Variants in TMEM117 observed in about 807,000 individuals in gnomAD.
The protein encoded by TMEM117 is transmembrane protein 117.
A neutral mutation model predicts 52.4 loss-of-function variants in TMEM117; 27 were observed. That is an observed-to-expected ratio of 0.51 (90% CI 0.38 to 0.71). The LOEUF is 0.71. Among genes scored for constraint, TMEM117 ranks in the 30% least tolerant of loss-of-function variants. The pLI, the probability that TMEM117 is intolerant of heterozygous loss-of-function variation, is 0.00. For missense variants in TMEM117, 556 were observed against 630.5 expected (o/e 0.88, Z 1.26); for synonymous variants, 215 against 206.3 (o/e 1.04, Z -0.36).
intron 6 of TMEM117, among the ~76,000 whole-genome samples, chr12:44,312,804 C>T (rs1388536638): frequency 6.6e-6 from 1 of 152,148 alleles, no homozygotes; most frequent in Admixed American, 6.5e-5. Flanking sequence ...GCCATTCTGA[C>T]AGATGTGAGA....
At chr12:44,282,218 C>A (rs149795513) in intron 5 of TMEM117, among the ~76,000 whole-genome samples, 9 of 152,120 alleles carry the variant, frequency 5.9e-5, no homozygotes, top group Admixed American at 2.6e-4. Flanking sequence ...TTTTCTTCCC[C>A]GTCTCAGGTA....
At chr12:44,027,194 A>G (rs1245319568) in intron 3 of TMEM117, among the ~76,000 whole-genome samples, 1 of 106,682 alleles carries the variant, frequency 9.4e-6, no homozygotes, top group South Asian at 3.0e-4. Context: ...ATTTTATTTT[A>G]TTTTAATTAG....
At chr12:44,172,229 A>G (rs1010342811) in intron 4 of TMEM117, among the ~76,000 whole-genome samples, 2 of 152,250 alleles carry the variant, frequency 1.3e-5, no homozygotes, top group African/African-American at 4.8e-5. Flanking sequence ...GTACCATTAA[A>G]TAAGAGGCTT....
chr12:43,989,277 T>G (rs1219563248), intron 3 of TMEM117, among the ~76,000 whole-genome samples: 2 of 152,120 alleles, frequency 1.3e-5, no homozygotes, highest in African/African-American at 4.8e-5. Flanking sequence ...GGGCGTATGT[T>G]TATATTATTC....
At chr12:43,884,222 GA>G (rs768610047) in intron 2 of TMEM117, among the ~76,000 whole-genome samples, 1 of 151,816 alleles carries the variant, frequency 6.6e-6, no homozygotes, top group African/African-American at 2.4e-5. Flanking sequence ...GCAGAGAGCT[GA>G]AATGACTATT....
At chr12:43,865,685 A>G (rs1943581298) in intron 2 of TMEM117, among the ~76,000 whole-genome samples, 1 of 151,594 alleles carries the variant, frequency 6.6e-6, no homozygotes, top group Non-Finnish European at 1.5e-5. Flanking sequence ...TGACAGAACG[A>G]GACTCCGTCC....
chr12:43,829,828 G>A, the TMEM117 span, among the ~76,000 whole-genome samples: 6 of 152,142 alleles, frequency 3.9e-5, no homozygotes, highest in Non-Finnish European at 7.4e-5. Flanking sequence ...AGTGGCTCAC[G>A]CCTGTAATCC....
chr12:44,116,857 G>C (rs1948152756), intron 3 of TMEM117, among the ~76,000 whole-genome samples: 1 of 152,140 alleles, frequency 6.6e-6, no homozygotes, highest in East Asian at 1.9e-4. Flanking sequence ...ACTGCTGCTA[G>C]TTCCTTAGTT....
chr12:44,314,596 T>G (rs2138681299), intron 6 of TMEM117, among the ~76,000 whole-genome samples: 1 of 148,940 alleles, frequency 6.7e-6, no homozygotes, highest in East Asian at 2.0e-4. Context: ...AGACAAAGTC[T>G]CACTCTGTCG....
chr12:44,157,144 G>A (rs575689962), intron 4 of TMEM117, among the ~76,000 whole-genome samples: 7 of 152,260 alleles, frequency 4.6e-5, no homozygotes, highest in African/African-American at 1.4e-4. Flanking sequence ...TTGCAATAAA[G>A]TGTCATCTAC....
intron 2 of TMEM117, among the ~76,000 whole-genome samples, chr12:43,871,368 T>A (rs547053950): frequency 2.3e-4 from 35 of 152,212 alleles, no homozygotes; most frequent in Non-Finnish European, 4.1e-4. Context: ...CCTCCCAAAG[T>A]ACTAGGATTG....
At chr12:44,339,077 C>A (rs774331813) in intron 6 of TMEM117, among the ~76,000 whole-genome samples, 13 of 152,088 alleles carry the variant, frequency 8.5e-5, no homozygotes, top group Non-Finnish European at 1.6e-4. Context: ...ACCCTACCCA[C>A]TGCTTCTCAA....
intron 5 of TMEM117, among the ~76,000 whole-genome samples, chr12:44,276,008 G>T (rs776815719): frequency 6.6e-6 from 1 of 152,134 alleles, no homozygotes; most frequent in Admixed American, 6.5e-5. Flanking sequence ...CAATTTTTAT[G>T]ATGTGATTAT....
At chr12:44,013,257 T>C (rs1946324210) in intron 3 of TMEM117, among the ~76,000 whole-genome samples, 1 of 152,136 alleles carries the variant, frequency 6.6e-6, no homozygotes, top group Non-Finnish European at 1.5e-5. Flanking sequence ...CTCGAACTCC[T>C]GAGGTCAAGT....
At chr12:44,303,538 G>A (rs1446152019) in intron 6 of TMEM117, among the ~76,000 whole-genome samples, 6 of 151,832 alleles carry the variant, frequency 4.0e-5, no homozygotes, top group African/African-American at 1.2e-4. Flanking sequence ...TTTTTCTGTG[G>A]TTTTAGTAAA....
At chr12:43,806,198 C>T in the TMEM117 span, 124 of 1,539,404 alleles carry the variant, frequency 8.1e-5, no homozygotes, top group African/African-American at 1.5e-3. Flanking sequence ...CCCTTCCCTG[C>T]GAGTCGCGCC....
intron 6 of TMEM117, among the ~76,000 whole-genome samples, chr12:44,369,854 T>A (rs142107705): frequency 3.0e-4 from 46 of 152,192 alleles, no homozygotes; most frequent in African/African-American, 1.1e-3. Context: ...CTCCAAAGAG[T>A]TATAGAATTA....
At chr12:44,088,121 G>T (rs991128303) in intron 3 of TMEM117, among the ~76,000 whole-genome samples, 1 of 152,120 alleles carries the variant, frequency 6.6e-6, no homozygotes, top group African/African-American at 2.4e-5. Context: ...GAGTGAAAAA[G>T]TCAAATAACA....
chr12:44,211,289 G>C lies in TMEM117; in HGVS notation c.511-1G>C, dbSNP rs780192794. ...TGAATAAGTTCCTTTCATTGCTTCA[G>C]GTCACTGATATGATGCTTCAGGACA... is the stretch of plus-strand genomic sequence containing the variant. On this transcript the variant is annotated splice_acceptor_variant, in intron 4 of 7. Transcript: ENST00000266534. LOFTEE classifies it high-confidence loss of function. 6.2e-7 allele frequency: 1 copy of C among 1,604,866 alleles called. No homozygotes were observed. Among genetic ancestry groups the C allele is most frequent in the Non-Finnish European group, 8.5e-7 (1 of 1,174,470 alleles).
Sources: allele counts gnomAD v4.1 joint callset (sites outside exome capture counted in the v4.1 genomes callset), GRCh38; gene constraint gnomAD v4.1.1; transcripts MANE v1.5; gene names NCBI Gene and HGNC (gene_info 2026-07-23, HGNC 2026-07-21).